The following WDR25 variants were observed in gnomAD, a reference collection of about 807,000 sequenced individuals.
WDR25 encodes WD repeat-containing protein 25.
WDR25 carries 35 observed loss-of-function variants against 47.7 expected under a neutral mutation model. The ratio of observed to expected loss-of-function variants is 0.73; its 90% CI spans 0.56 to 0.97. The LOEUF (loss-of-function observed/expected upper bound fraction) is 0.97, where lower values mean the gene tolerates loss of function less well. Ranked by LOEUF, WDR25 falls within the 50% of genes least tolerant of loss-of-function variation. The pLI is 0.00. For missense variants in WDR25, 634 were observed against 704.7 expected, an observed-to-expected ratio of 0.90 and a Z score of 1.14; for synonymous variants, 248 against 278.9, an observed-to-expected ratio of 0.89 and a Z score of 1.10.
chr14:100,420,081 C>T (rs1897983599), intron 2 of WDR25, among the ~76,000 whole-genome samples: 1 of 152,202 alleles, frequency 6.6e-6, no homozygotes, highest in African/African-American at 2.4e-5. Context: ...GAGCAGCCTC[C>T]CACCCTGTAG....
intron 4 of WDR25, among the ~76,000 whole-genome samples, chr14:100,510,661 G>A (rs541405316): frequency 6.6e-5 from 10 of 151,686 alleles, no homozygotes; most frequent in South Asian, 2.1e-4. Context: ...ACTTGAACCC[G>A]GGAGCCGGAG....
rs1004915082 is a variant in WDR25 at position 100,378,741 on chromosome 14, G to A, written c.-15-2169G>A. ...TGGGAGGCCGAGGCGGGCGGATCACGAGGTCAGGAGATCGAGACCATCCCG... is the reference window on the plus strand; with the variant it reads ...TGGGAGGCCGAGGCGGGCGGATCACAAGGTCAGGAGATCGAGACCATCCCG... On this transcript the variant is annotated intron_variant, in intron 1 of 6. Coordinates refer to ENST00000402312, the MANE Select transcript of WDR25 (RefSeq NM_001161476.3). Among the ~76,000 whole-genome samples the A allele has an allele frequency of 7.8e-5, 2 of 25,794 alleles. 1 individual carries two copies. The highest frequency in any genetic ancestry group is 4.7e-4 in the Admixed American group (2 of 4,214). 16.9% of individuals were successfully genotyped at this position (25,794 alleles called of 152,430 possible).
Position 100,492,293 on chromosome 14 carries a change from A to G in WDR25, c.1101+8169A>G, listed in dbSNP as rs547990958. The stretch of plus-strand genomic sequence containing the variant: ...CAGAAGTGGGCAATTGGTTCCCAGA[A>G]TCTGGAACCTCAGAGACCTGCCCTG... On this transcript the variant is annotated intron_variant, in intron 4 of 6. Coordinates refer to ENST00000402312, the MANE Select transcript of WDR25 (RefSeq NM_001161476.3). Among the ~76,000 whole-genome samples, 65 of 152,322 alleles carry G rather than the reference A, an allele frequency of 4.3e-4. 1 individual carries two copies. Among genetic ancestry groups the G allele is most frequent in the Admixed American group, 4.0e-3 (62 of 15,310 alleles).
intron 2 of WDR25, among the ~76,000 whole-genome samples, chr14:100,433,060 A>C (rs1898389595): frequency 6.6e-6 from 1 of 152,254 alleles, no homozygotes; most frequent in African/African-American, 2.4e-5. Context: ...GTGCATGTGG[A>C]TCGTCATTGA....
At chr14:100,475,434 A>C (rs1899985753) in intron 3 of WDR25, among the ~76,000 whole-genome samples, 1 of 152,200 alleles carries the variant, frequency 6.6e-6, no homozygotes, top group Admixed American at 6.5e-5. Flanking sequence ...TCACAATGGA[A>C]TACTCTACAG....
intron 2 of WDR25, among the ~76,000 whole-genome samples, chr14:100,467,421 G>C (rs1899670480): frequency 6.6e-6 from 1 of 152,194 alleles, no homozygotes; most frequent in African/African-American, 2.4e-5. Context: ...GAGGGTGCAG[G>C]ACTCCCACCC....
At chr14:100,420,197 G>A (rs1233900775) in intron 2 of WDR25, among the ~76,000 whole-genome samples, 2 of 152,214 alleles carry the variant, frequency 1.3e-5, no homozygotes, top group South Asian at 2.1e-4. Context: ...GCCCCCATCT[G>A]CACATGGGCC....
At chr14:100,459,622 A>T (rs984461009) in intron 2 of WDR25, among the ~76,000 whole-genome samples, 6 of 151,934 alleles carry the variant, frequency 3.9e-5, no homozygotes, top group African/African-American at 1.5e-4. Flanking sequence ...CCCTCTATGC[A>T]TATCTATCTC....
At chr14:100,464,337 T>G (rs1899530430) in intron 2 of WDR25, among the ~76,000 whole-genome samples, 1 of 152,190 alleles carries the variant, frequency 6.6e-6, no homozygotes, top group African/African-American at 2.4e-5. Flanking sequence ...TCCCTTGACC[T>G]TATAGAGCCC....
At chr14:100,436,670 G>T (rs908930218) in intron 2 of WDR25, among the ~76,000 whole-genome samples, 1 of 152,206 alleles carries the variant, frequency 6.6e-6, no homozygotes, top group Non-Finnish European at 1.5e-5. Context: ...GCACACTGGG[G>T]ACAAGTGTCC....
At position 100,413,712 on chromosome 14, in the gene WDR25, C is replaced by G. The variant is rs2140196450; in HGVS notation, c.822+31966C>G. Among the ~76,000 whole-genome samples the G allele has an allele frequency of 2.0e-5, 3 of 152,308 alleles. No individual in the cohort carries two copies. The East Asian group carries it at 5.8e-4, about 30-fold the overall frequency. On this transcript the variant is annotated intron_variant, in intron 2 of 6. Coordinates refer to ENST00000402312, the MANE Select transcript of WDR25 (RefSeq NM_001161476.3). ...ACAGGCGTGAGCCACCGCGCCCGGC[C>G]TTGCCATTACTTTGAATGGCAAAAA...
rs79380023 is a variant in WDR25, at chr14:100,424,734, G to C, written c.822+42988G>C. Among the ~76,000 whole-genome samples the C allele has an allele frequency of 0.013, 2,042 of 152,238 alleles. 47 individuals are homozygous for C. Among genetic ancestry groups the C allele is most frequent in the African/African-American group, 0.046 (1,929 of 41,532 alleles). On this transcript the variant is annotated intron_variant, in intron 2 of 6. Transcript: ENST00000402312. The surrounding 1 kb of genome is among the most constrained non-coding windows in gnomAD (Gnocchi z 4.2). ...GATTCGGTGGTTAGGCTGATCTCAG[G>C]GTTCCTTTCAGCAGCAGTGGCAGCC...
At chr14:100,435,756 G>C (rs1898480883) in intron 2 of WDR25, among the ~76,000 whole-genome samples, 1 of 152,240 alleles carries the variant, frequency 6.6e-6, no homozygotes, top group African/African-American at 2.4e-5. Flanking sequence ...GAGAGCATCT[G>C]CAAGTCCAGA....
chr14:100,468,493 C>G lies in WDR25; in HGVS notation c.970+325C>G, dbSNP rs1899718913. Among the ~76,000 whole-genome samples, 1 of 152,202 alleles carries G rather than the reference C, an allele frequency of 6.6e-6. No homozygotes were observed. The highest frequency in any genetic ancestry group is 1.5e-5 in the Non-Finnish European group (1 of 68,028). On this transcript the variant is annotated intron_variant, in intron 3 of 6. Transcript: ENST00000402312. The surrounding 1 kb of genome is among the most constrained non-coding windows in gnomAD (Gnocchi z 4.5). ...TGTGCTGAAATAGATTTAACTTTAT[C>G]ATTGTGTCCTTTGGTTGGAATCAGG...
chr14:100,493,098 A>G (rs369715633), intron 4 of WDR25, among the ~76,000 whole-genome samples: 11 of 152,356 alleles, frequency 7.2e-5, no homozygotes, highest in East Asian at 3.9e-4. Context: ...GTGAGCCACC[A>G]CATTGGGCCT....
chr14:100,407,979 G>A lies in WDR25; in HGVS notation c.822+26233G>A, dbSNP rs1348622731. Among the ~76,000 whole-genome samples, 3 of 152,156 alleles carry A rather than the reference G, an allele frequency of 2.0e-5. No individual in the cohort carries two copies. Among genetic ancestry groups the A allele is most frequent in the Non-Finnish European group, 4.4e-5 (3 of 68,036 alleles). ...AGAACTGGCCCTGGAGACAGGGGAGGGGTTGTGAGAGCCAGAGCACAGATG... is the reference window on the plus strand; with the variant it reads ...AGAACTGGCCCTGGAGACAGGGGAGAGGTTGTGAGAGCCAGAGCACAGATG... On this transcript the variant is annotated intron_variant, in intron 2 of 6. Transcript: ENST00000402312. This position sits in a 1 kb window ranked among gnomAD's most constrained non-coding sequence, Gnocchi z 4.1.
intron 2 of WDR25, among the ~76,000 whole-genome samples, chr14:100,384,995 C>T (rs967825969): frequency 4.6e-5 from 7 of 152,148 alleles, no homozygotes; most frequent in African/African-American, 1.4e-4. Context: ...GAAAAGTAAA[C>T]GATATTAGTT....
rs1399467819 is a variant in WDR25 at position 100,399,792 on chromosome 14, G to T, written c.822+18046G>T. On this transcript the variant is annotated intron_variant, in intron 2 of 6. Transcript: ENST00000402312. ...TTCTGTTCAGTAGATGGTCATTTTT[G>T]ATTTCAAAATTGAAACTTCAAAATT... Among the ~76,000 whole-genome samples, 6 of 152,120 alleles carry T rather than the reference G, an allele frequency of 3.9e-5. 1 individual carries two copies. In the South Asian group the frequency reaches 6.2e-4, roughly 16 times the overall value.
chr14:100,414,703 C>T (rs1199265097), intron 2 of WDR25, among the ~76,000 whole-genome samples: 1 of 152,050 alleles, frequency 6.6e-6, no homozygotes, highest in East Asian at 1.9e-4. Flanking sequence ...ACTGCAGGCT[C>T]ATATGGTAAT....
Sources: gnomAD v4.1 joint callset for allele counts (sites outside exome capture counted in the v4.1 genomes callset) on GRCh38, gnomAD v4.1.1 for gene constraint, Gnocchi (gnomAD v3.1) non-coding constraint, MANE v1.5 for transcripts, NCBI Gene and HGNC (gene_info 2026-07-23, HGNC 2026-07-21) for gene names.